The following TRAPPC13 variants were observed in gnomAD, a reference collection of about 807,000 sequenced individuals.
TRAPPC13 encodes the protein trafficking protein particle complex subunit 13, also known as REV7-interacting novel NHEJ regulator 1.
Under a neutral mutation model 54.0 loss-of-function variants are expected in TRAPPC13, and 39 were observed. The ratio of observed to expected loss-of-function variants is 0.72; its 90% CI spans 0.56 to 0.94. The LOEUF (loss-of-function observed/expected upper bound fraction) is 0.94. Among genes scored for constraint, TRAPPC13 ranks in the 40% least tolerant of loss-of-function variants. The probability of loss-of-function intolerance (pLI) is 0.00; values close to 1 mark genes in which losing one functional copy is unlikely to be tolerated. For missense variants in TRAPPC13, 386 were observed against 488.1 expected, an observed-to-expected ratio of 0.79 and a Z score of 1.97; for synonymous variants, 148 against 167.7, an observed-to-expected ratio of 0.88 and a Z score of 0.91.
At chr5:65,625,178 G>A (rs1460166468) in intron 1 of TRAPPC13, 72 bp downstream of exon 1, 6 of 1,290,690 alleles carry the variant, frequency 4.6e-6, no homozygotes, top group Non-Finnish European at 6.8e-6. Flanking sequence ...CCTTTGCCAT[G>A]TAGGCCTCAT....
chr5:65,639,457 C>G lies in TRAPPC13; in HGVS notation c.300+1677C>G, dbSNP rs1174984805. On this transcript the variant is annotated intron_variant, in intron 4 of 12. Coordinates refer to ENST00000399438, the MANE Select transcript of TRAPPC13 (RefSeq NM_024941.4). Reference sequence around the variant, plus strand: ...GAAGGATTACTTGAGGCCAGGAGTTCAAGACCAGCCTGGGAAACATAACGA... The same window carrying G: ...GAAGGATTACTTGAGGCCAGGAGTTGAAGACCAGCCTGGGAAACATAACGA... Among the ~76,000 whole-genome samples the G allele has an allele frequency of 9.2e-5, 14 of 151,952 alleles. 1 individual carries two copies. Among genetic ancestry groups the G allele is most frequent in the Non-Finnish European group, 2.9e-5 (2 of 68,018 alleles).
intron 7 of TRAPPC13, among the ~76,000 whole-genome samples, chr5:65,653,793 C>G (rs1756559151): frequency 6.6e-6 from 1 of 152,094 alleles, no homozygotes; most frequent in East Asian, 1.9e-4. Context: ...ATCAAGATTA[C>G]TAGATGTTTA....
Position 65,664,401 on chromosome 5 carries a change from A to G in TRAPPC13, c.1146+17A>G, listed in dbSNP as rs1184927049. The stretch of plus-strand genomic sequence containing the variant: ...GGACTGCAAGTATGCTGTCTTTTCA[A>G]AAATTCCAATATTTGGGTGCTGTTA... On this transcript the variant is annotated intron_variant, in intron 12 of 12. Transcript: ENST00000399438. 6.2e-7 allele frequency: 1 copy of G among 1,606,332 alleles called. No homozygotes were observed.
At chr5:65,651,784 A>G (rs1317723418) in intron 6 of TRAPPC13, among the ~76,000 whole-genome samples, 5 of 145,408 alleles carry the variant, frequency 3.4e-5, no homozygotes, top group Non-Finnish European at 6.0e-5. Flanking sequence ...AAAATCTGCC[A>G]TTCTTTTGCT....
At chr5:65,637,327 A>G (rs978758841) in intron 3 of TRAPPC13, among the ~76,000 whole-genome samples, 4 of 152,182 alleles carry the variant, frequency 2.6e-5, no homozygotes, top group Admixed American at 6.5e-5. Context: ...GTGATTCTCA[A>G]ACAGATTATT....
chr5:65,633,965 A>C (rs1755643713), intron 1 of TRAPPC13, among the ~76,000 whole-genome samples: 1 of 131,348 alleles, frequency 7.6e-6, no homozygotes, highest in Non-Finnish European at 1.6e-5. Flanking sequence ...TTTTTAAAAT[A>C]TCTCTCCCAG....
At chr5:65,635,889 G>T in intron 2 of TRAPPC13, 55 bp from the exon 3 acceptor site, 1 of 1,104,016 alleles carries the variant, frequency 9.1e-7, no homozygotes. Flanking sequence ...CTTTATATAA[G>T]TAAAAGTTAT....
chr5:65,662,871 G>A (rs888761481), intron 11 of TRAPPC13: 2 of 152,084 alleles, frequency 1.3e-5, no homozygotes, highest in African/African-American at 4.8e-5. Flanking sequence ...CTTCCTCTAT[G>A]AAGCTACCTA....
At chr5:65,663,588 A>G (rs547857280) in intron 11 of TRAPPC13, 2 of 152,322 alleles carry the variant, frequency 1.3e-5, no homozygotes, top group Admixed American at 1.3e-4. Context: ...AGTAGCCGTG[A>G]ATGGTGGTAG....
chr5:65,641,872 CT>C (rs78528911), intron 4 of TRAPPC13, among the ~76,000 whole-genome samples: 126 of 140,412 alleles, frequency 9.0e-4, no homozygotes, highest in East Asian at 1.0e-3. Flanking sequence ...AACACTTTTT[CT>C]TTTTTTTTTT....
rs1755707306 is a variant in TRAPPC13, at chr5:65,635,332, C to G, written c.78C>G (p.Thr26=). ...GGCTGACTAAGCCTACTTTATTCAC[C>G]AATATCCCAGTAACATGTGAAGAGA... ...VMRLTKPTLF[T]NIPVTCEEKD... Residue 26 remains threonine, a synonymous_variant, in exon 2 of 13, where the codon ACC becomes ACG. Coordinates refer to ENST00000399438, the MANE Select transcript of TRAPPC13 (RefSeq NM_024941.4). 6.2e-7 allele frequency: 1 copy of G among 1,613,412 alleles called. No individual in the cohort carries two copies. The highest frequency in any genetic ancestry group is 1.3e-5 in the African/African-American group (1 of 74,896).
At chr5:65,637,638 A>AG in intron 3 of TRAPPC13, 58 bp from the exon 4 acceptor site, 1 of 1,096,970 alleles carries the variant, frequency 9.1e-7, no homozygotes, top group East Asian at 2.7e-5. Flanking sequence ...CTCAAAAAAA[A>AG]AAAAAAAGAA....
At chr5:65,635,201 T>A (rs1755703001) in intron 1 of TRAPPC13, 100 bp from the exon 2 acceptor site, 1 of 984,168 alleles carries the variant, frequency 1.0e-6, no homozygotes, top group African/African-American at 1.6e-5. Context: ...GGTTATATTT[T>A]ATGTTAGTAT....
intron 1 of TRAPPC13, chr5:65,629,839 T>C (rs1215731168): frequency 6.5e-6 from 10 of 1,535,966 alleles, no homozygotes; most frequent in Middle Eastern, 1.7e-4. Flanking sequence ...CACACAGTTA[T>C]GATTGCACAG....
chr5:65,639,251 A>G (rs1398084423), intron 4 of TRAPPC13, among the ~76,000 whole-genome samples: 1 of 152,196 alleles, frequency 6.6e-6, no homozygotes, highest in East Asian at 1.9e-4. Flanking sequence ...GTGGGGACAC[A>G]GAGTCAAACC....
chr5:65,638,472 C>T (rs1437460377), intron 4 of TRAPPC13, among the ~76,000 whole-genome samples: 1 of 152,086 alleles, frequency 6.6e-6, no homozygotes, highest in Non-Finnish European at 1.5e-5. Context: ...ATACAGATAA[C>T]AAGGCAAGGG....
Position 65,665,286 on chromosome 5 carries a change from AT to A in TRAPPC13, c.*679del, listed in dbSNP as rs1177059456. ...GAGTTGTTTCTTAGAACTTTGTAAT[AT>A]TTTGGTTAGAAATATTTCAGTTAAC... On this transcript the variant is annotated 3_prime_UTR_variant, in exon 13 of 13. Transcript: ENST00000399438. 6.6e-6 allele frequency: 1 copy of A among 152,148 alleles called. No individual in the cohort carries two copies. The highest frequency in any genetic ancestry group is 1.5e-5 in the Non-Finnish European group (1 of 68,028). The allele number at this position is 152,148 out of a possible 1,614,324, so 9.4% of individuals were successfully genotyped here. A position where few individuals can be genotyped will look rare whatever the true frequency, so the allele number is the denominator to read the frequency against.
At position 65,660,998 on chromosome 5, in the gene TRAPPC13, T is replaced by C; in HGVS notation, c.897+101T>C. The C allele has an allele frequency of 4.3e-6, 4 of 931,412 alleles. No individual in the cohort carries two copies. In the East Asian group the frequency reaches 1.1e-4, roughly 25 times the overall value. The allele number at this position is 931,412 out of a possible 1,614,324, so 57.7% of individuals were successfully genotyped here. A position where few individuals can be genotyped will look rare whatever the true frequency, so the allele number is the denominator to read the frequency against. On this transcript the variant is annotated intron_variant, in intron 10 of 12. Transcript: ENST00000399438. Reference sequence around the variant, plus strand: ...ATCCAGCAGTAAAAAATTGGAGCACTATAAAAGGCATTACTACTACTGGAG... The same window carrying C: ...ATCCAGCAGTAAAAAATTGGAGCACCATAAAAGGCATTACTACTACTGGAG...
Position 65,665,720 on chromosome 5 carries a change from GTAA to G in TRAPPC13, c.*1111_*1113del, listed in dbSNP as rs1757014866. 2.0e-5 allele frequency: 3 copies of G among 152,294 alleles called. No homozygotes were observed. In the East Asian group the frequency reaches 5.8e-4, roughly 29 times the overall value. The allele number at this position is 152,294 out of a possible 1,614,324, so 9.4% of individuals were successfully genotyped here. A position where few individuals can be genotyped will look rare whatever the true frequency, so the allele number is the denominator to read the frequency against. ...CTGTTACAAAACTTTCTCTCTCCAT[GTAA>G]TCACACTTAGTTATGAGCAAAGCAG... On this transcript the variant is annotated 3_prime_UTR_variant, in exon 13 of 13. Coordinates refer to ENST00000399438, the MANE Select transcript of TRAPPC13 (RefSeq NM_024941.4).
Sources: allele counts gnomAD v4.1 joint callset (sites outside exome capture counted in the v4.1 genomes callset), GRCh38; gene constraint gnomAD v4.1.1; transcripts MANE v1.5; gene names NCBI Gene and HGNC (gene_info 2026-07-23, HGNC 2026-07-21).